TBC1D5: variants seen among roughly 807,000 people sequenced by gnomAD.
TBC1D5 encodes TBC1 domain family member 5.
A neutral mutation model predicts 100.3 loss-of-function variants in TBC1D5; 75 were observed. The observed-to-expected ratio is 0.75, with a 90% CI of 0.62 to 0.91. TBC1D5 has a LOEUF of 0.91. Ranked by LOEUF, TBC1D5 falls within the 40% of genes least tolerant of loss-of-function variation. The pLI is 0.00. For synonymous variants in TBC1D5, 323 were observed against 325.6 expected (o/e 0.99, Z 0.09); for missense variants, 910 against 942.4 (o/e 0.97, Z 0.45).
At chr3:17,176,827 C>T (rs2067800336) in intron 19 of TBC1D5, among the ~76,000 whole-genome samples, 1 of 151,310 alleles carries the variant, frequency 6.6e-6, no homozygotes, top group Non-Finnish European at 1.5e-5. Context: ...AAAAGAAATC[C>T]AACAGAACTA....
At chr3:17,504,164 A>G (rs929109200) in intron 3 of TBC1D5, among the ~76,000 whole-genome samples, 4 of 224 alleles carry the variant, frequency 0.018, no homozygotes, top group Non-Finnish European at 0.033. Flanking sequence ...TTAAGCAATT[A>G]TTAATTAACA....
chr3:17,608,058 A>G (rs2153610660), intron 2 of TBC1D5, among the ~76,000 whole-genome samples: 2 of 152,336 alleles, frequency 1.3e-5, no homozygotes, highest in East Asian at 1.9e-4. Flanking sequence ...TCAGTTCAAA[A>G]CCAGCCTGGC....
chr3:17,277,749 A>G (rs902865185), intron 15 of TBC1D5, among the ~76,000 whole-genome samples: 9 of 152,216 alleles, frequency 5.9e-5, no homozygotes, highest in Middle Eastern at 3.2e-3. Context: ...AGGAATCTGC[A>G]AGAAAGGCAA....
chr3:17,360,099 T>C (rs905908083), intron 13 of TBC1D5, among the ~76,000 whole-genome samples: 10 of 152,128 alleles, frequency 6.6e-5, no homozygotes, highest in South Asian at 2.1e-4. Context: ...GCAATGTCAG[T>C]TTTAAAGTAT....
chr3:17,176,355 C>T (rs1041399571), intron 19 of TBC1D5, among the ~76,000 whole-genome samples: 3 of 152,138 alleles, frequency 2.0e-5, no homozygotes, highest in Non-Finnish European at 2.9e-5. Context: ...AAATGCTCTA[C>T]CAGGAATGAA....
chr3:17,586,620 T>C (rs975190190), intron 2 of TBC1D5: 6 of 152,066 alleles, frequency 3.9e-5, no homozygotes, highest in Non-Finnish European at 8.8e-5. Flanking sequence ...CCCTAAATCA[T>C]ATCAAACAAT....
chr3:17,588,254 G>GA (rs556546467), intron 2 of TBC1D5, among the ~76,000 whole-genome samples: 2,312 of 73,976 alleles, frequency 0.031, 41 homozygotes, highest in African/African-American at 0.081. Flanking sequence ...CAAGAAAGGA[G>GA]AAAAAAAAAA....
At position 17,372,067 on chromosome 3, in the gene TBC1D5, ATACT is replaced by A. The variant is rs772615161; in HGVS notation, c.995+4_995+7del. On this transcript the variant is annotated splice_donor_5th_base_variant and intron_variant, in intron 13 of 21. Coordinates refer to ENST00000253692, the Ensembl canonical transcript of TBC1D5. ...ACAAACAAACAAACAAAGAACTTTAATACTTACAACCCATATATCTGTGGTGCAA... is the reference window on the plus strand; with the variant it reads ...ACAAACAAACAAACAAAGAACTTTAATACAACCCATATATCTGTGGTGCAA... 9.5e-7 allele frequency: 1 copy of A among 1,056,460 alleles called. No individual in the cohort carries two copies. 65.4% of individuals were successfully genotyped at this position (1,056,460 alleles called of 1,614,324 possible).
At chr3:17,189,277 G>C (rs2125597279) in intron 18 of TBC1D5, among the ~76,000 whole-genome samples, 1 of 152,282 alleles carries the variant, frequency 6.6e-6, no homozygotes, top group East Asian at 1.9e-4. Flanking sequence ...GAAAACATTA[G>C]TTTCTGGCTT....
chr3:17,533,161 G>A (rs1273224686), intron 2 of TBC1D5, among the ~76,000 whole-genome samples: 1 of 150,974 alleles, frequency 6.6e-6, no homozygotes, highest in African/African-American at 2.4e-5. Flanking sequence ...TTCTTATTTG[G>A]GAGTAAATTC....
chr3:17,475,199 C>T (rs1328174795), intron 3 of TBC1D5, among the ~76,000 whole-genome samples: 4 of 149,116 alleles, frequency 2.7e-5, no homozygotes, highest in Non-Finnish European at 4.5e-5. Context: ...TTTATATATT[C>T]CCAAATCTAA....
At chr3:17,447,806 C>T (rs768122487) in intron 3 of TBC1D5, among the ~76,000 whole-genome samples, 13 of 152,238 alleles carry the variant, frequency 8.5e-5, no homozygotes, top group Non-Finnish European at 1.8e-4. Flanking sequence ...TAGATAATAA[C>T]GTTTCAAAAC....
At chr3:17,385,105 T>C (rs1247075027) in intron 8 of TBC1D5, among the ~76,000 whole-genome samples, 2 of 152,074 alleles carry the variant, frequency 1.3e-5, no homozygotes, top group Non-Finnish European at 2.9e-5. Context: ...GAGTGAATGA[T>C]TGCTTAACTG....
chr3:17,633,373 T>C (rs1353847108), intron 1 of TBC1D5, among the ~76,000 whole-genome samples: 1 of 150,918 alleles, frequency 6.6e-6, no homozygotes, highest in East Asian at 2.0e-4. Context: ...GAGGCAGAGG[T>C]TGCAGTAAGC....
chr3:17,383,994 G>C (rs2093052400), exon 9 of TBC1D5: 5 of 1,595,912 alleles, frequency 3.1e-6, no homozygotes, highest in African/African-American at 1.3e-5. Context: ...TTTCTTGCTG[G>C]AAAAACTGCA....
At chr3:17,341,001 A>G (rs1159466839) in intron 13 of TBC1D5, among the ~76,000 whole-genome samples, 1 of 152,212 alleles carries the variant, frequency 6.6e-6, no homozygotes, top group Non-Finnish European at 1.5e-5. Context: ...TATTTACAGA[A>G]GTCCCTCAAT....
intron 2 of TBC1D5, among the ~76,000 whole-genome samples, chr3:17,596,213 ATATTAAC>A (rs2060552840): frequency 6.6e-6 from 1 of 152,184 alleles, no homozygotes; most frequent in Non-Finnish European, 1.5e-5. Context: ...TTTAGTGTGC[ATATTAAC>A]AATCACTTGA....
At chr3:17,164,741 T>G (rs1559331894) in intron 21 of TBC1D5, among the ~76,000 whole-genome samples, 4 of 152,214 alleles carry the variant, frequency 2.6e-5, no homozygotes, top group African/African-American at 9.6e-5. Context: ...GTAGACCCCC[T>G]GGGCCCTTAT....
At chr3:17,554,057 T>C (rs1014647662) in intron 2 of TBC1D5, among the ~76,000 whole-genome samples, 8 of 152,198 alleles carry the variant, frequency 5.3e-5, no homozygotes, top group African/African-American at 1.9e-4. Flanking sequence ...TTAGTCAACT[T>C]TCACCTCATC....
Sources: gnomAD v4.1 joint callset for allele counts (sites outside exome capture counted in the v4.1 genomes callset) on GRCh38, gnomAD v4.1.1 for gene constraint, MANE v1.5 for transcripts, NCBI Gene and HGNC (gene_info 2026-07-23, HGNC 2026-07-21) for gene names.